Variants in PPM1E observed in about 807,000 individuals in gnomAD.
PPM1E encodes the protein protein phosphatase 1E.
Under a neutral mutation model 65.9 loss-of-function variants are expected in PPM1E, and 20 were observed. The ratio of observed to expected loss-of-function variants is 0.30; its 90% CI spans 0.21 to 0.44. The LOEUF (loss-of-function observed/expected upper bound fraction) is 0.44. Ranked by LOEUF, PPM1E falls within the 20% of genes least tolerant of loss-of-function variation. The probability of loss-of-function intolerance (pLI) is 1.00; values close to 1 mark genes in which losing one functional copy is unlikely to be tolerated. For synonymous variants in PPM1E, 352 were observed against 374.9 expected, an observed-to-expected ratio of 0.94 and a Z score of 0.70; for missense variants, 713 against 953.1, an observed-to-expected ratio of 0.75 and a Z score of 3.32.
intron 1 of PPM1E, among the ~76,000 whole-genome samples, chr17:58,846,191 T>A (rs2050769699): frequency 6.6e-6 from 1 of 152,208 alleles, no homozygotes. Flanking sequence ...ATAGAATTGC[T>A]GGGTCATTTG....
intron 2 of PPM1E, among the ~76,000 whole-genome samples, chr17:58,959,782 T>C (rs2029975414): frequency 6.6e-6 from 1 of 151,982 alleles, no homozygotes; most frequent in Non-Finnish European, 1.5e-5. Flanking sequence ...ATATGTATAA[T>C]ACTAGGGAAA....
chr17:58,895,370 G>T (rs192028506), intron 1 of PPM1E, among the ~76,000 whole-genome samples: 2 of 152,264 alleles, frequency 1.3e-5, no homozygotes, highest in East Asian at 3.9e-4. Context: ...TCAAAAGCTA[G>T]AAATGATTAA....
At chr17:58,798,332 G>T (rs575024337) in intron 1 of PPM1E, among the ~76,000 whole-genome samples, 2 of 150,162 alleles carry the variant, frequency 1.3e-5, no homozygotes. Context: ...GGGTTCAAGC[G>T]ATTCTCCTGC....
chr17:58,845,956 T>C (rs1411503724), intron 1 of PPM1E, among the ~76,000 whole-genome samples: 5 of 152,176 alleles, frequency 3.3e-5, no homozygotes, highest in Non-Finnish European at 7.3e-5. Context: ...GTTGGTATTA[T>C]ACGCATGAGC....
At chr17:58,939,417 A>G (rs1014898703) in intron 1 of PPM1E, among the ~76,000 whole-genome samples, 1 of 152,204 alleles carries the variant, frequency 6.6e-6, no homozygotes, top group Non-Finnish European at 1.5e-5. Context: ...GTGTGTTTGT[A>G]GAACACTTAC....
intron 1 of PPM1E, among the ~76,000 whole-genome samples, chr17:58,891,120 C>T (rs1373661295): frequency 6.6e-6 from 1 of 152,026 alleles, no homozygotes; most frequent in African/African-American, 2.4e-5. Flanking sequence ...ACATGTACCA[C>T]CACGCCCAGC....
chr17:58,861,456 T>C (rs1313866902), intron 1 of PPM1E, among the ~76,000 whole-genome samples: 2 of 152,204 alleles, frequency 1.3e-5, no homozygotes, highest in African/African-American at 4.8e-5. Flanking sequence ...TTGTTGGCTC[T>C]GGAGAATTTC....
chr17:58,902,391 C>T (rs1283009423), intron 1 of PPM1E, among the ~76,000 whole-genome samples: 1 of 151,936 alleles, frequency 6.6e-6, no homozygotes, highest in African/African-American at 2.4e-5. Context: ...AGTTCTTCAG[C>T]TAAACCAGCT....
intron 2 of PPM1E, among the ~76,000 whole-genome samples, chr17:58,957,374 C>G (rs923330020): frequency 6.6e-6 from 1 of 152,088 alleles, no homozygotes; most frequent in Non-Finnish European, 1.5e-5. Context: ...ATTTTTTGAT[C>G]CCTTTAAGAT....
chr17:58,887,183 G>A (rs867430177), intron 1 of PPM1E, among the ~76,000 whole-genome samples: 2 of 18,836 alleles, frequency 1.1e-4, no homozygotes, highest in South Asian at 1.9e-3. Flanking sequence ...TTTTTTTTTT[G>A]AGATGTAGTC....
chr17:58,837,260 T>TAAAAAAAA (rs57058929), intron 1 of PPM1E, among the ~76,000 whole-genome samples: 1 of 66,286 alleles, frequency 1.5e-5, no homozygotes, highest in Non-Finnish European at 2.6e-5. Flanking sequence ...TTAAAAAAAT[T>TAAAAAAAA]AAAAAAAAAA....
At chr17:58,820,160 C>T (rs562338631) in intron 1 of PPM1E, among the ~76,000 whole-genome samples, 86 of 152,252 alleles carry the variant, frequency 5.6e-4, no homozygotes, top group Non-Finnish European at 8.4e-4. Context: ...AAATCCACCC[C>T]CATGATCCAG....
At chr17:58,893,079 A>G (rs2051368024) in intron 1 of PPM1E, among the ~76,000 whole-genome samples, 2 of 152,240 alleles carry the variant, frequency 1.3e-5, no homozygotes, top group Admixed American at 6.5e-5. Flanking sequence ...TACTCTTACC[A>G]TATGATCCAG....
intron 1 of PPM1E, among the ~76,000 whole-genome samples, chr17:58,805,983 A>AAAAAAAAAAAAAAAAAAAAAAAAAAAAT (rs2050308199): frequency 1.0e-5 from 1 of 99,696 alleles, no homozygotes; most frequent in African/African-American, 4.6e-5. Context: ...ACAAAAAAAA[A>AAAAAAAAAAAAAAAAAAAAAAAAAAAAT]ACAAAACAAA....
At chr17:58,930,250 TACACACACACACACACACAC>T in intron 1 of PPM1E, among the ~76,000 whole-genome samples, 2 of 143,306 alleles carry the variant, frequency 1.4e-5, no homozygotes, top group South Asian at 4.5e-4. Context: ...TAAATGTATA[TACACACACACACACACACAC>T]ACACACACAC....
rs749977520 is a variant in PPM1E at position 58,756,074 on chromosome 17, G to C, written c.77G>C (p.Cys26Ser). ...ELFLGEFRGP[C>S]GGGEPEPEPE... ...TTCCTGGGCGAGTTTCGCGGACCGTGCGGCGGCGGCGAGCCGGAGCCGGAA... is the reference window on the plus strand; with the variant it reads ...TTCCTGGGCGAGTTTCGCGGACCGTCCGGCGGCGGCGAGCCGGAGCCGGAA... Residue 26 changes from cysteine to serine, a missense_variant, in exon 1 of 7, where the codon TGC becomes TCC. Coordinates refer to ENST00000308249, the MANE Select transcript of PPM1E (RefSeq NM_014906.5). The C allele has an allele frequency of 1.2e-6, 2 of 1,610,924 alleles. No individual in the cohort carries two copies. The highest frequency in any genetic ancestry group is 1.7e-6 in the Non-Finnish European group (2 of 1,179,286).
At chr17:58,971,116 C>T (rs1353230318) in intron 4 of PPM1E, among the ~76,000 whole-genome samples, 1 of 152,078 alleles carries the variant, frequency 6.6e-6, no homozygotes, top group Non-Finnish European at 1.5e-5. Context: ...GTGCTGCTAA[C>T]TGCTGGGAAG....
intron 1 of PPM1E, among the ~76,000 whole-genome samples, chr17:58,941,962 G>C (rs1254510579): frequency 6.9e-6 from 1 of 145,528 alleles, no homozygotes; most frequent in Non-Finnish European, 1.5e-5. Flanking sequence ...CCAAGATCGC[G>C]CCATTGCACT....
At chr17:58,967,618 A>T (rs1005029896) in intron 3 of PPM1E, among the ~76,000 whole-genome samples, 1 of 151,810 alleles carries the variant, frequency 6.6e-6, no homozygotes, top group African/African-American at 2.4e-5. Flanking sequence ...ATTATCATAC[A>T]TTATTATAAT....
Sources: allele counts gnomAD v4.1 joint callset (sites outside exome capture counted in the v4.1 genomes callset), GRCh38; gene constraint gnomAD v4.1.1; transcripts MANE v1.5; gene names NCBI Gene and HGNC (gene_info 2026-07-23, HGNC 2026-07-21).